Variants in PLPPR1 observed in about 807,000 individuals in gnomAD.
PLPPR1 encodes the protein phospholipid phosphatase related 1, also known as phospholipid phosphatase-related protein type 1.
Under a neutral mutation model 33.1 loss-of-function variants are expected in PLPPR1, and 10 were observed. The ratio of observed to expected loss-of-function variants is 0.30; its 90% CI spans 0.19 to 0.51. The LOEUF is 0.51. PLPPR1 is among the 20% of genes least tolerant of loss of function. The pLI is 0.97. For missense variants in PLPPR1, 304 were observed against 408.1 expected (o/e 0.74, Z 2.20); for synonymous variants, 151 against 151.0 (o/e 1.00, Z 0.00).
chr9:101,078,191 G>GGGGGGA (rs1287462289), intron 1 of PLPPR1, among the ~76,000 whole-genome samples: 2 of 21,046 alleles, frequency 9.5e-5, no homozygotes, highest in Non-Finnish European at 1.8e-4. Context: ...AGAAGAGGAG[G>GGGGGGA]GGGGGAGGGG....
At chr9:101,153,193 C>G (rs926555280) in intron 1 of PLPPR1, among the ~76,000 whole-genome samples, 1 of 151,992 alleles carries the variant, frequency 6.6e-6, no homozygotes, top group African/African-American at 2.4e-5. Flanking sequence ...TGATTTGGCT[C>G]TCTGTCTGTT....
chr9:101,076,552 C>A (rs1395290196), intron 1 of PLPPR1, among the ~76,000 whole-genome samples: 1 of 152,144 alleles, frequency 6.6e-6, no homozygotes, highest in African/African-American at 2.4e-5. Context: ...AATAGCAATT[C>A]CCTACTGTGA....
chr9:101,094,032 C>G (rs1308670091), intron 1 of PLPPR1, among the ~76,000 whole-genome samples: 1 of 152,206 alleles, frequency 6.6e-6, no homozygotes, highest in East Asian at 1.9e-4. Flanking sequence ...AGGGCATCAT[C>G]ATCATCCATC....
At chr9:101,117,050 G>A (rs1255888122) in intron 1 of PLPPR1, among the ~76,000 whole-genome samples, 1 of 152,018 alleles carries the variant, frequency 6.6e-6, no homozygotes, top group East Asian at 1.9e-4. Context: ...TACAGAAGAT[G>A]GATCTTCATC....
chr9:101,129,783 A>G, intron 1 of PLPPR1, among the ~76,000 whole-genome samples: 1 of 152,208 alleles, frequency 6.6e-6, no homozygotes, highest in East Asian at 1.9e-4. Context: ...GTGAGGCGAG[A>G]TCACGCCACT....
At chr9:101,254,075 A>G (rs1827757268) in intron 2 of PLPPR1, among the ~76,000 whole-genome samples, 1 of 152,100 alleles carries the variant, frequency 6.6e-6, no homozygotes, top group African/African-American at 2.4e-5. Flanking sequence ...CCAGAGACCA[A>G]TTTTGTGGAA....
At chr9:101,198,832 G>C (rs1446847640) in intron 2 of PLPPR1, among the ~76,000 whole-genome samples, 2 of 152,238 alleles carry the variant, frequency 1.3e-5, no homozygotes, top group East Asian at 1.9e-4. Flanking sequence ...GAGTTTCAAG[G>C]CTGGAGCTTA....
At chr9:101,109,297 A>G (rs1329354866) in intron 1 of PLPPR1, among the ~76,000 whole-genome samples, 1 of 151,992 alleles carries the variant, frequency 6.6e-6, no homozygotes, top group Non-Finnish European at 1.5e-5. Context: ...TTTGAAGGGT[A>G]TAAAGGGGTC....
chr9:101,056,228 A>C (rs1385473236), intron 1 of PLPPR1, among the ~76,000 whole-genome samples: 1 of 152,196 alleles, frequency 6.6e-6, no homozygotes, highest in Non-Finnish European at 1.5e-5. Context: ...GAGCCTTTGC[A>C]CATCTGTGAC....
chr9:101,160,305 C>T (rs1267102061), intron 1 of PLPPR1, among the ~76,000 whole-genome samples: 1 of 152,162 alleles, frequency 6.6e-6, no homozygotes, highest in Non-Finnish European at 1.5e-5. Flanking sequence ...CTTTCTTTCA[C>T]AGTAAAATGA....
intron 1 of PLPPR1, among the ~76,000 whole-genome samples, chr9:101,037,909 G>C (rs747585023): frequency 2.9e-5 from 4 of 138,730 alleles, no homozygotes; most frequent in Non-Finnish European, 6.0e-5. Context: ...GACAGTTCCT[G>C]GCCAGGCTAG....
chr9:101,152,925 A>G (rs1296939530), intron 1 of PLPPR1, among the ~76,000 whole-genome samples: 6 of 152,176 alleles, frequency 3.9e-5, no homozygotes, highest in Non-Finnish European at 8.8e-5. Context: ...GTTTTTTCCA[A>G]TTCTGTGAAG....
intron 4 of PLPPR1, among the ~76,000 whole-genome samples, chr9:101,303,616 A>G (rs1375562644): frequency 6.6e-6 from 1 of 152,136 alleles, no homozygotes; most frequent in East Asian, 1.9e-4. Context: ...TTTTGATAAG[A>G]GATTGAGAAC....
chr9:101,222,242 C>A (rs1350814697), intron 2 of PLPPR1, among the ~76,000 whole-genome samples: 2 of 152,170 alleles, frequency 1.3e-5, no homozygotes, highest in African/African-American at 4.8e-5. Context: ...GTTGGTGTGT[C>A]CTAGGGGAAT....
intron 1 of PLPPR1, among the ~76,000 whole-genome samples, chr9:101,179,570 G>A (rs1260306775): frequency 2.6e-5 from 4 of 152,108 alleles, no homozygotes; most frequent in Non-Finnish European, 5.9e-5. Flanking sequence ...ATGTATTTGG[G>A]TTGGGGATTG....
chr9:101,296,393 A>G (rs1588115716), intron 4 of PLPPR1, among the ~76,000 whole-genome samples: 1 of 151,462 alleles, frequency 6.6e-6, no homozygotes, highest in African/African-American at 2.5e-5. Context: ...CAGTGTGGCA[A>G]TTCCTCAGGG....
chr9:101,197,474 T>C (rs1264289300), intron 2 of PLPPR1, among the ~76,000 whole-genome samples: 1 of 152,204 alleles, frequency 6.6e-6, no homozygotes, highest in Non-Finnish European at 1.5e-5. Context: ...AAAATGGCTT[T>C]TGTGAACCAT....
At chr9:101,293,863 A>C (rs1828566842) in intron 4 of PLPPR1, among the ~76,000 whole-genome samples, 2 of 151,980 alleles carry the variant, frequency 1.3e-5, no homozygotes, top group South Asian at 4.1e-4. Context: ...AAAGATCCAA[A>C]ATTGACACCC....
At chr9:101,121,157 G>C (rs1408424040) in intron 1 of PLPPR1, among the ~76,000 whole-genome samples, 6 of 152,278 alleles carry the variant, frequency 3.9e-5, no homozygotes, top group East Asian at 3.9e-4. Context: ...AGTTACTACT[G>C]TTACCTGAAA....
Sources: allele counts gnomAD v4.1 joint callset (sites outside exome capture counted in the v4.1 genomes callset), GRCh38; gene constraint gnomAD v4.1.1; transcripts MANE v1.5; gene names NCBI Gene and HGNC (gene_info 2026-07-23, HGNC 2026-07-21).